Variants in DMD observed in about 807,000 individuals in gnomAD.
DMD encodes mutant dystrophin.
Under a neutral mutation model 330.1 loss-of-function variants are expected in DMD, and 63 were observed. The ratio of observed to expected loss-of-function variants is 0.19; its 90% confidence interval spans 0.16 to 0.24. The LOEUF is 0.24. Ranked by LOEUF, DMD falls within the 10% of genes least tolerant of loss-of-function variation. The pLI is 1.00. For synonymous variants in DMD, 1,223 were observed against 959.8 expected, an observed-to-expected ratio of 1.27 and a Z score of -5.07; for missense variants, 3,344 against 2,684.1, an observed-to-expected ratio of 1.25 and a Z score of -5.43.
chrX:32,644,037 CT>C (rs2059634579), intron 11 of DMD, 94 bp downstream of exon 11: 2 of 769,126 alleles, frequency 2.6e-6, no homozygotes, highest in East Asian at 6.4e-5. Context: ...TGGGAACAAA[CT>C]GAGAATCGTA....
chrX:32,683,586 C>T (rs1350955227), intron 9 of DMD, among the ~76,000 whole-genome samples: 1 of 91,662 alleles, frequency 1.1e-5, no homozygotes, highest in Non-Finnish European at 2.1e-5. Flanking sequence ...AGGTGGGAAT[C>T]GAACAATGAG....
chrX:31,177,815 A>G, intron 71 of DMD, 117 bp downstream of exon 71: 2 of 680,308 alleles, frequency 2.9e-6, no homozygotes, highest in Non-Finnish European at 4.6e-6. Flanking sequence ...AGGGGAATTA[A>G]TATGTCCATA....
intron 51 of DMD, among the ~76,000 whole-genome samples, chrX:31,741,154 A>G (rs1387113135): frequency 9.0e-6 from 1 of 111,635 alleles, no homozygotes; most frequent in East Asian, 2.8e-4. Flanking sequence ...TTCTCATGCT[A>G]TTTCTACCAC....
At chrX:32,778,564 A>C (rs776618006) in intron 7 of DMD, among the ~76,000 whole-genome samples, 4 of 112,335 alleles carry the variant, frequency 3.6e-5, no homozygotes, top group Non-Finnish European at 7.5e-5. Context: ...CATGAGTCTT[A>C]TTAGACTAAA....
rs778702600 is a variant in DMD at position 32,380,542 on chromosome X, T to A, written c.4813A>T (p.Ser1605Cys). The A allele has an allele frequency of 8.3e-7, 1 of 1,210,854 alleles. No homozygotes were observed. ...TKRSAVEGMP[S>C]NLDSEVAWGK... Reference sequence around the variant, plus strand: ...CAGGCAACTTCAGAATCCAAATTACTAGGCATTCCTTCAACTGCTGATCTC... The same window carrying A: ...CAGGCAACTTCAGAATCCAAATTACAAGGCATTCCTTCAACTGCTGATCTC... Residue 1605 changes from serine (S) to cysteine (C), a missense_variant, in exon 34 of 79, where the codon AGT becomes TGT. Physicochemically the swap from Ser to Cys is moderately radical, Grantham distance 112. Coordinates refer to ENST00000357033, the MANE Select transcript of DMD (RefSeq NM_004006.3).
chrX:32,288,135 T>A (rs1396252759), intron 42 of DMD, among the ~76,000 whole-genome samples: 6 of 111,197 alleles, frequency 5.4e-5, no homozygotes. Flanking sequence ...AGCCCGGACA[T>A]CTCCTCCGAA....
At chrX:32,040,415 A>G (rs1000389235) in intron 44 of DMD, among the ~76,000 whole-genome samples, 17 of 111,531 alleles carry the variant, frequency 1.5e-4, no homozygotes, top group African/African-American at 5.2e-4. Flanking sequence ...AGCAGTTTCC[A>G]CTCTGTGGAA....
chrX:32,523,285 C>A (rs1333839038), intron 17 of DMD, among the ~76,000 whole-genome samples: 1 of 111,628 alleles, frequency 9.0e-6, no homozygotes, highest in Non-Finnish European at 1.9e-5. Context: ...CTGTCTTTAA[C>A]TCCACATTCT....
At chrX:33,216,734 C>T (rs2052064941) in intron 1 of DMD, among the ~76,000 whole-genome samples, 1 of 111,100 alleles carries the variant, frequency 9.0e-6, no homozygotes, top group Non-Finnish European at 1.9e-5. Context: ...TTTTAAATTA[C>T]TTTTTTTTGT....
At chrX:33,161,720 A>G (rs964459188) in intron 1 of DMD, among the ~76,000 whole-genome samples, 2 of 111,624 alleles carry the variant, frequency 1.8e-5, no homozygotes, top group Non-Finnish European at 3.8e-5. Flanking sequence ...AGTAGAGAGA[A>G]TTTATCTCAC....
intron 69 of DMD, 28 bp downstream of exon 69, chrX:31,180,340 ACT>A (rs1313156567): frequency 1.0e-6 from 1 of 987,780 alleles, no homozygotes; most frequent in Admixed American, 2.2e-5. Context: ...AGGTGAACTA[ACT>A]CTCACGTCAG....
rs967147793 is a variant in DMD, at chrX:32,458,689, C to G, written c.3433-3857G>C. ...TTGCTTTGTTTTGTTCTGATAATAG[C>G]CACCCTAACAGGTATGAAGAGGTTC... On this transcript the variant is annotated intron_variant, in intron 25 of 78. Transcript: ENST00000357033. Among the ~76,000 whole-genome samples the G allele has an allele frequency of 3.6e-5, 4 of 111,259 alleles. No homozygotes were observed. The East Asian group carries it at 1.1e-3, about 31-fold the overall frequency.
chrX:33,197,442 G>C (rs2051010201), intron 1 of DMD, among the ~76,000 whole-genome samples: 1 of 106,327 alleles, frequency 9.4e-6, no homozygotes, highest in African/African-American at 3.6e-5. Context: ...TGTGACTCTG[G>C]TGTGTGTGTG....
At position 32,977,232 on chromosome X, in the gene DMD, G is replaced by A. The variant is rs369553168; in HGVS notation, c.93+42907C>T. Reference sequence around the variant, plus strand: ...GGAGAATCGCTTGAACCCAGGAGGCGGAGGTTGCATTGAGCCGAGATCATG... The same window carrying A: ...GGAGAATCGCTTGAACCCAGGAGGCAGAGGTTGCATTGAGCCGAGATCATG... On this transcript the variant is annotated intron_variant, in intron 2 of 78. Coordinates refer to ENST00000357033, the MANE Select transcript of DMD (RefSeq NM_004006.3). 2.6e-4 allele frequency among the ~76,000 whole-genome samples: 29 copies of A among 110,873 alleles called. No homozygotes were observed. The East Asian group carries it at 6.3e-3, about 24-fold the overall frequency.
rs138777737 is a variant in DMD, at chrX:32,085,542, G to A, written c.6439-117028C>T. Among the ~76,000 whole-genome samples the A allele has an allele frequency of 7.8e-3, 768 of 97,994 alleles. 5 individuals are homozygous for A. Among genetic ancestry groups the A allele is most frequent in the Non-Finnish European group, 0.012 (591 of 47,624 alleles). The allele number at this position is 97,994 out of a possible 115,157, so 85.1% of individuals were successfully genotyped here. ...TTTCACTTATAAGTGAGAACATGGG[G>A]TATCTTTCTGCTTCTGAGTTGTTTC... is the stretch of plus-strand genomic sequence containing the variant. On this transcript the variant is annotated intron_variant, in intron 44 of 78. Transcript: ENST00000357033.
At chrX:33,326,529 GA>G (rs1393885237) in intron 1 of DMD, among the ~76,000 whole-genome samples, 4 of 111,981 alleles carry the variant, frequency 3.6e-5, no homozygotes, top group Non-Finnish European at 7.5e-5. Context: ...ACATGAAAAG[GA>G]AGTGTGTTAC....
intron 1 of DMD, among the ~76,000 whole-genome samples, chrX:33,318,015 T>G (rs946811026): frequency 9.0e-6 from 1 of 111,398 alleles, no homozygotes; most frequent in African/African-American, 3.3e-5. Context: ...TTCTAAAATA[T>G]TCTTTATGTT....
intron 7 of DMD, among the ~76,000 whole-genome samples, chrX:32,776,453 G>A (rs778246618): frequency 4.5e-5 from 5 of 110,911 alleles, no homozygotes; most frequent in Non-Finnish European, 9.5e-5. Context: ...AAGTAAAAGA[G>A]GATTAATAGA....
intron 19 of DMD, among the ~76,000 whole-genome samples, chrX:32,498,844 C>T (rs1289579912): frequency 9.0e-6 from 1 of 111,624 alleles, no homozygotes; most frequent in Non-Finnish European, 1.9e-5. Flanking sequence ...ATACTTTGCA[C>T]CATCAAATGA....
Sources: allele counts gnomAD v4.1 joint callset (sites outside exome capture counted in the v4.1 genomes callset), GRCh38; gene constraint gnomAD v4.1.1; transcripts MANE v1.5; gene names NCBI Gene and HGNC (gene_info 2026-07-23, HGNC 2026-07-21).